ST6GALNAC3: variants seen among roughly 807,000 people sequenced by gnomAD.
The protein encoded by ST6GALNAC3 is alpha-N-acetylgalactosaminide alpha-2,6-sialyltransferase 3.
ST6GALNAC3 carries 25 observed loss-of-function variants against 32.7 expected under a neutral mutation model. That is an observed-to-expected ratio of 0.76 (90% CI 0.56 to 1.07). The LOEUF is 1.07. Ranked by LOEUF, ST6GALNAC3 falls within the 50% of genes least tolerant of loss-of-function variation. ST6GALNAC3 has a pLI of 0.00. For missense variants in ST6GALNAC3, 355 were observed against 382.4 expected (o/e 0.93, Z 0.60); for synonymous variants, 129 against 133.1 (o/e 0.97, Z 0.21).
chr1:76,238,860 T>G (rs538157129), intron 1 of ST6GALNAC3, among the ~76,000 whole-genome samples: 121 of 152,128 alleles, frequency 8.0e-4, no homozygotes, highest in Non-Finnish European at 1.2e-3. Context: ...TGGTTCACAA[T>G]TTTTATTCAG....
chr1:76,131,258 T>C (rs553693446), intron 1 of ST6GALNAC3, among the ~76,000 whole-genome samples: 3 of 152,330 alleles, frequency 2.0e-5, no homozygotes, highest in East Asian at 3.9e-4. Flanking sequence ...AGTCCTCGCA[T>C]TGGTGATCGA....
rs1649257714 is a variant in ST6GALNAC3 at position 76,630,788 on chromosome 1, G to A, written c.*1982G>A. ...TGTTATTCTTTTGTTGTTCCCTTAT[G>A]CAATTTTTAATTCTATGAATGTTAA... On this transcript the variant is annotated 3_prime_UTR_variant, in exon 5 of 5. Transcript: ENST00000328299. 2.0e-6 allele frequency: 2 copies of A among 985,544 alleles called. No individual in the cohort carries two copies. Among genetic ancestry groups the A allele is most frequent in the Non-Finnish European group, 1.2e-6 (1 of 829,806 alleles). 61.0% of individuals were successfully genotyped at this position (985,544 alleles called of 1,614,324 possible). A position where few individuals can be genotyped will look rare whatever the true frequency, so the allele number is the denominator to read the frequency against.
At chr1:76,344,404 A>G (rs1291838890) in intron 2 of ST6GALNAC3, among the ~76,000 whole-genome samples, 1 of 152,180 alleles carries the variant, frequency 6.6e-6, no homozygotes. Context: ...CACATTTCAT[A>G]TTCTTTTTCC....
chr1:76,539,250 A>C (rs1351184383), intron 3 of ST6GALNAC3, among the ~76,000 whole-genome samples: 1 of 152,220 alleles, frequency 6.6e-6, no homozygotes, highest in Non-Finnish European at 1.5e-5. Flanking sequence ...AACCTGACAA[A>C]AACAAGCAAT....
intron 3 of ST6GALNAC3, among the ~76,000 whole-genome samples, chr1:76,458,984 A>T (rs1190886986): frequency 1.3e-5 from 2 of 152,154 alleles, no homozygotes; most frequent in African/African-American, 2.4e-5. Context: ...ATCTGTTTTA[A>T]TGTAAAAATA....
downstream of ST6GALNAC3, among the ~76,000 whole-genome samples, chr1:76,635,313 C>G (rs1649477509): frequency 6.6e-6 from 1 of 152,108 alleles, no homozygotes; most frequent in South Asian, 2.1e-4. Flanking sequence ...ATCTATCCAA[C>G]TCTATAAGAG....
At chr1:76,132,357 G>C (rs764319725) in intron 1 of ST6GALNAC3, among the ~76,000 whole-genome samples, 7 of 152,078 alleles carry the variant, frequency 4.6e-5, no homozygotes, top group South Asian at 2.1e-4. Context: ...TGGGGAGGAG[G>C]GGGGAGTATC....
intron 2 of ST6GALNAC3, among the ~76,000 whole-genome samples, chr1:76,357,804 T>C (rs1235807282): frequency 6.6e-6 from 1 of 152,184 alleles, no homozygotes; most frequent in Non-Finnish European, 1.5e-5. Flanking sequence ...TTCAATGGCC[T>C]AGTTTTTCAA....
At chr1:76,096,004 T>C (rs1647125451) in intron 1 of ST6GALNAC3, among the ~76,000 whole-genome samples, 2 of 152,298 alleles carry the variant, frequency 1.3e-5, no homozygotes, top group African/African-American at 4.8e-5. Context: ...CCTGTGGGGA[T>C]GGTGCCCTCT....
At chr1:76,358,983 C>A (rs1419981528) in intron 2 of ST6GALNAC3, among the ~76,000 whole-genome samples, 1 of 152,176 alleles carries the variant, frequency 6.6e-6, no homozygotes, top group African/African-American at 2.4e-5. Flanking sequence ...CTATTAGAGT[C>A]TGTACTGGCA....
chr1:76,494,808 G>T (rs1660753775), intron 3 of ST6GALNAC3, among the ~76,000 whole-genome samples: 2 of 151,698 alleles, frequency 1.3e-5, no homozygotes, highest in African/African-American at 4.8e-5. Flanking sequence ...ACTGGCTCAT[G>T]TGATTATGGA....
At chr1:76,331,653 G>A (rs964112203) in intron 2 of ST6GALNAC3, among the ~76,000 whole-genome samples, 5 of 152,188 alleles carry the variant, frequency 3.3e-5, no homozygotes, top group Admixed American at 2.0e-4. Flanking sequence ...CCATGGAACT[G>A]TTGCATCTCC....
intron 1 of ST6GALNAC3, among the ~76,000 whole-genome samples, chr1:76,242,452 ATTTAC>A (rs1246021528): frequency 1.3e-5 from 2 of 151,926 alleles, no homozygotes; most frequent in African/African-American, 4.8e-5. Flanking sequence ...TTTTAAAAAA[ATTTAC>A]TTTAAGTTAT....
In ST6GALNAC3 at chr1:76,231,385, A is replaced by G. The variant is rs570210363; in HGVS notation, c.19-82420A>G. 3.3e-3 allele frequency among the ~76,000 whole-genome samples: 507 copies of G among 152,330 alleles called. 2 individuals carry two copies. Among genetic ancestry groups the G allele is most frequent in the African/African-American group, 0.011 (476 of 41,572 alleles). On this transcript the variant is annotated intron_variant, in intron 1 of 4. Coordinates refer to ENST00000328299, the MANE Select transcript of ST6GALNAC3 (RefSeq NM_152996.4). Reference sequence around the variant, plus strand: ...AAATTTACCATGTTAACTATTTTTAAGCGTACAATTCAGCAGTATTAAGTA... The same window carrying G: ...AAATTTACCATGTTAACTATTTTTAGGCGTACAATTCAGCAGTATTAAGTA...
intron 3 of ST6GALNAC3, among the ~76,000 whole-genome samples, chr1:76,621,050 AC>A (rs1242975545): frequency 5.9e-5 from 9 of 152,112 alleles, no homozygotes; most frequent in Non-Finnish European, 1.3e-4. Context: ...CATAAATCAT[AC>A]CATTGGGAGC....
intron 3 of ST6GALNAC3, among the ~76,000 whole-genome samples, chr1:76,450,709 C>G (rs1411629684): frequency 6.6e-6 from 1 of 152,156 alleles, no homozygotes; most frequent in Non-Finnish European, 1.5e-5. Flanking sequence ...AATGCTTGAG[C>G]CATCTTGAGT....
intron 1 of ST6GALNAC3, among the ~76,000 whole-genome samples, chr1:76,218,410 C>T (rs960745332): frequency 2.0e-5 from 3 of 152,190 alleles, no homozygotes; most frequent in Non-Finnish European, 4.4e-5. Flanking sequence ...GGAAAGAAAG[C>T]TCAATCAGCA....
chr1:76,244,960 G>A (rs1318348887), intron 1 of ST6GALNAC3, among the ~76,000 whole-genome samples: 1 of 152,084 alleles, frequency 6.6e-6, no homozygotes, highest in Non-Finnish European at 1.5e-5. Context: ...AATGTATTAG[G>A]GAGGAGTCCC....
At chr1:76,123,507 C>T (rs1194198388) in intron 1 of ST6GALNAC3, among the ~76,000 whole-genome samples, 1 of 151,944 alleles carries the variant, frequency 6.6e-6, no homozygotes, top group East Asian at 1.9e-4. Context: ...GAGGAGCGTC[C>T]ACTCTAAGTG....
Sources: allele counts gnomAD v4.1 joint callset (sites outside exome capture counted in the v4.1 genomes callset), GRCh38; gene constraint gnomAD v4.1.1; transcripts MANE v1.5; gene names NCBI Gene and HGNC (gene_info 2026-07-23, HGNC 2026-07-21).